TRERF1: variants seen among roughly 807,000 people sequenced by gnomAD.
TRERF1 encodes transcriptional-regulating factor 1.
TRERF1 carries 27 observed loss-of-function variants against 122.9 expected under a neutral mutation model. The ratio of observed to expected loss-of-function variants is 0.22; its 90% CI spans 0.16 to 0.30. The LOEUF is 0.30. TRERF1 is among the 10% of genes least tolerant of loss of function. The pLI, the probability that TRERF1 is intolerant of heterozygous loss-of-function variation, is 1.00. For synonymous variants in TRERF1, 636 were observed against 641.7 expected (o/e 0.99, Z 0.13); for missense variants, 1,248 against 1,560.3 (o/e 0.80, Z 3.37).
intron 2 of TRERF1, among the ~76,000 whole-genome samples, chr6:42,402,042 T>G (rs574056774): frequency 4.0e-4 from 61 of 152,314 alleles, no homozygotes; most frequent in African/African-American, 1.4e-3. Context: ...CATAAACCTC[T>G]AGTCTAGAAG....
chr6:42,285,669 T>C (rs1783074107), intron 4 of TRERF1, among the ~76,000 whole-genome samples: 1 of 151,498 alleles, frequency 6.6e-6, no homozygotes, highest in Admixed American at 6.6e-5. Flanking sequence ...CAATACCTAA[T>C]TTATTGAGAG....
At chr6:42,301,058 C>G (rs1421720255) in intron 3 of TRERF1, among the ~76,000 whole-genome samples, 1 of 152,024 alleles carries the variant, frequency 6.6e-6, no homozygotes, top group Non-Finnish European at 1.5e-5. Flanking sequence ...TATAGAGAGA[C>G]AGAGAGAGAT....
At chr6:42,416,424 A>G (rs79528889) in intron 2 of TRERF1, among the ~76,000 whole-genome samples, 2,059 of 152,304 alleles carry the variant, frequency 0.014, 40 homozygotes, top group African/African-American at 0.046. Flanking sequence ...TTAGAAACGG[A>G]TGTGTAATTT....
chr6:42,348,652 C>T (rs375589156), intron 3 of TRERF1, among the ~76,000 whole-genome samples: 3 of 152,128 alleles, frequency 2.0e-5, no homozygotes, highest in African/African-American at 4.8e-5. Context: ...ACTGAATTAC[C>T]GGGGACGATC....
chr6:42,329,846 C>T (rs565932037), intron 3 of TRERF1, among the ~76,000 whole-genome samples: 145 of 151,838 alleles, frequency 9.5e-4, no homozygotes, highest in Admixed American at 1.4e-3. Flanking sequence ...AAAAATTAGC[C>T]GGGCGTGGTG....
At chr6:42,241,564 C>T (rs527682940) in intron 15 of TRERF1, among the ~76,000 whole-genome samples, 16 of 151,920 alleles carry the variant, frequency 1.1e-4, no homozygotes, top group African/African-American at 1.7e-4. Context: ...TGGGTTCAAG[C>T]GATCCTCCTG....
At chr6:42,434,329 C>G (rs1186481758) in intron 2 of TRERF1, among the ~76,000 whole-genome samples, 1 of 151,542 alleles carries the variant, frequency 6.6e-6, no homozygotes, top group East Asian at 1.9e-4. Context: ...CCAAACTCCA[C>G]AGGGGATCCA....
intron 3 of TRERF1, among the ~76,000 whole-genome samples, chr6:42,337,530 C>T (rs969434298): frequency 2.6e-5 from 4 of 152,138 alleles, no homozygotes; most frequent in African/African-American, 9.7e-5. Context: ...CTGGGAGAGG[C>T]AGCCACGCTC....
chr6:42,272,912 T>C (rs1051047300), intron 4 of TRERF1, among the ~76,000 whole-genome samples: 3 of 152,146 alleles, frequency 2.0e-5, no homozygotes, highest in Non-Finnish European at 4.4e-5. Flanking sequence ...CGTCACCACG[T>C]CCATATTCAA....
At chr6:42,235,228 T>C (rs576591745) in intron 16 of TRERF1, among the ~76,000 whole-genome samples, 1 of 152,324 alleles carries the variant, frequency 6.6e-6, no homozygotes, top group East Asian at 1.9e-4. Context: ...AGCACTGTCC[T>C]ATATCATGTA....
Position 42,361,507 on chromosome 6 carries a change from A to G in TRERF1, c.-371+1490T>C, listed in dbSNP as rs76102737. On this transcript the variant is annotated intron_variant, in intron 3 of 17. Coordinates refer to ENST00000372922, the Ensembl canonical transcript of TRERF1. ...AGAAAATGTAAGGGGCTTTCGAGAA[A>G]CACTTTCATGAATTAATGAGTGGCC... Among the ~76,000 whole-genome samples the G allele has an allele frequency of 3.3e-5, 5 of 152,226 alleles. No individual in the cohort carries two copies. The East Asian group carries it at 9.6e-4, about 29-fold the overall frequency.
intron 2 of TRERF1, among the ~76,000 whole-genome samples, chr6:42,385,594 A>G (rs993395604): frequency 6.6e-6 from 1 of 152,132 alleles, no homozygotes; most frequent in Non-Finnish European, 1.5e-5. Flanking sequence ...CCCGAAACCT[A>G]TCGGGAGTGG....
chr6:42,359,144 C>T (rs561369251), intron 3 of TRERF1, among the ~76,000 whole-genome samples: 43 of 152,278 alleles, frequency 2.8e-4, no homozygotes, highest in Admixed American at 2.0e-3. Flanking sequence ...CAGTGCTCTC[C>T]GCACCGTTAA....
chr6:42,345,671 C>T (rs1409292097), intron 3 of TRERF1, among the ~76,000 whole-genome samples: 3 of 152,222 alleles, frequency 2.0e-5, no homozygotes, highest in African/African-American at 4.8e-5. Context: ...AAAGTGCAGT[C>T]TTTTGCAACT....
chr6:42,313,480 G>T (rs1762007358), intron 3 of TRERF1, among the ~76,000 whole-genome samples: 1 of 152,056 alleles, frequency 6.6e-6, no homozygotes, highest in Non-Finnish European at 1.5e-5. Context: ...TGGAAAAGGG[G>T]TCTTCTCTGC....
Position 42,269,456 on chromosome 6 carries a change from C to T in TRERF1, c.135G>A (p.Met45Ile). ...AGATTGGCGAGGCCTGAGGGGCATC[C>T]ATTCCGCCCCCTGTAACTGCATTCC... The change falls in exon 5 of 18, where the codon ATG (methionine) becomes ATA (isoleucine). Residue 45 changes from methionine (M) to isoleucine (I), a missense_variant. This residue lies in a region of TRERF1 where 946 missense variants were observed against 1,073.0 expected (regional missense o/e 0.88). Transcript: ENST00000372922. This position sits in a 1 kb window ranked among gnomAD's most constrained non-coding sequence, Gnocchi z 4.9. 1.2e-6 allele frequency: 2 copies of T among 1,614,198 alleles called. No homozygotes were observed. The highest frequency in any genetic ancestry group is 1.6e-4 in the Middle Eastern group (1 of 6,062).
chr6:42,359,083 T>G (rs1203408292), intron 3 of TRERF1, among the ~76,000 whole-genome samples: 1 of 152,142 alleles, frequency 6.6e-6, no homozygotes, highest in Non-Finnish European at 1.5e-5. Context: ...CAAAGCCTCC[T>G]CCTCCTGGTT....
intron 16 of TRERF1, among the ~76,000 whole-genome samples, chr6:42,233,564 C>T (rs530209227): frequency 5.1e-4 from 78 of 152,236 alleles, no homozygotes; most frequent in South Asian, 1.9e-3. Context: ...GGATTACAGG[C>T]GTGAGCCACC....
At position 42,335,145 on chromosome 6, in the gene TRERF1, G is replaced by A. The variant is rs575958393; in HGVS notation, c.-371+27852C>T. 9.8e-5 allele frequency among the ~76,000 whole-genome samples: 15 copies of A among 152,356 alleles called. No homozygotes were observed. In the South Asian group the frequency reaches 3.1e-3, roughly 32 times the overall value. On this transcript the variant is annotated intron_variant, in intron 3 of 17. Transcript: ENST00000372922. ...TATGGAGAGTAAAACAGAGAAAAAG[G>A]AACTGGGCAGAGTGGGAAGGGGATA... is the stretch of plus-strand genomic sequence containing the variant.
Sources: gnomAD v4.1 joint callset for allele counts (sites outside exome capture counted in the v4.1 genomes callset) on GRCh38, gnomAD v4.1.1 for gene constraint, gnomAD v4.1.1 regional missense constraint, Gnocchi (gnomAD v3.1) non-coding constraint, MANE v1.5 for transcripts, NCBI Gene and HGNC (gene_info 2026-07-23, HGNC 2026-07-21) for gene names.